The following SH3YL1 variants were observed in gnomAD, a reference collection of about 807,000 sequenced individuals.
SH3YL1 encodes the protein SH3 and SYLF domain containing 1, also known as SH3 domain-containing YSC84-like protein 1.
In SH3YL1, 41 loss-of-function variants were observed where a neutral mutation model predicts 45.8. The ratio of observed to expected loss-of-function variants is 0.89; its 90% CI spans 0.70 to 1.16. SH3YL1 has a LOEUF of 1.16. Ranked by LOEUF, SH3YL1 falls within the 50% of genes most tolerant of loss-of-function variation. The pLI is 0.00. For missense variants in SH3YL1, 389 were observed against 409.6 expected, an observed-to-expected ratio of 0.95 and a Z score of 0.43; for synonymous variants, 152 against 151.4, an observed-to-expected ratio of 1.00 and a Z score of -0.03.
chr2:264,082 A>ACCTG, upstream of SH3YL1: 5 of 1,342,466 alleles, frequency 3.7e-6, no homozygotes, highest in Non-Finnish European at 4.8e-6. Flanking sequence ...GCGAGGGCGT[A>ACCTG]CCTGCGGCAG....
intron 4 of SH3YL1, among the ~76,000 whole-genome samples, chr2:242,339 G>A (rs953388672): frequency 6.6e-6 from 1 of 151,784 alleles, no homozygotes; most frequent in Non-Finnish European, 1.5e-5. Flanking sequence ...TGCTGAGTGT[G>A]TATCATATAT....
chr2:231,485 T>C (rs1310559229), intron 6 of SH3YL1, among the ~76,000 whole-genome samples: 6 of 152,224 alleles, frequency 3.9e-5, no homozygotes, highest in Non-Finnish European at 5.9e-5. Flanking sequence ...CCCATATATA[T>C]ACATACACAT....
At chr2:264,717 C>T (rs1669782591), upstream of SH3YL1, 2 of 476,510 alleles carry the variant, frequency 4.2e-6, no homozygotes, top group Non-Finnish European at 7.4e-6. Flanking sequence ...AGCCCCGCCC[C>T]TGCAGGTGAA....
intron 4 of SH3YL1, among the ~76,000 whole-genome samples, chr2:238,607 C>T (rs1481933303): frequency 6.6e-6 from 1 of 152,098 alleles, no homozygotes; most frequent in Non-Finnish European, 1.5e-5. Context: ...TGAGCTCTAG[C>T]TCTGGAAACA....
chr2:247,017 A>C (rs1668845075), intron 4 of SH3YL1, among the ~76,000 whole-genome samples: 1 of 152,256 alleles, frequency 6.6e-6, no homozygotes, highest in Admixed American at 6.5e-5. Flanking sequence ...ATCCCCGTGT[A>C]GGAGGCCTCT....
rs1463582859 is a variant in SH3YL1 at position 253,014 on chromosome 2, T to A, written c.103A>T (p.Ile35Phe). The A allele has an allele frequency of 1.3e-6, 2 of 1,532,716 alleles. No homozygotes were observed. Among genetic ancestry groups the A allele is most frequent in the African/African-American group, 2.8e-5 (2 of 72,610 alleles). 94.9% of individuals were successfully genotyped at this position (1,532,716 alleles called of 1,614,324 possible). A position where few individuals can be genotyped will look rare whatever the true frequency, so the allele number is the denominator to read the frequency against. The change falls in exon 2 of 10, where the codon ATC becomes TTC. Residue 35 changes from isoleucine to phenylalanine, a missense_variant. Coordinates refer to ENST00000356150, the MANE Select transcript of SH3YL1 (RefSeq NM_015677.4). ...CATCCTATTTACCTACCAGGAATGATCTTATCAGGTCCATTTCTGGAAGTT... is the reference window on the plus strand; with the variant it reads ...CATCCTATTTACCTACCAGGAATGAACTTATCAGGTCCATTTCTGGAAGTT... ...EITSRNGPDKIIPAHVIAKAK... is the reference protein window; with the variant it reads ...EITSRNGPDKFIPAHVIAKAK...
intron 1 of SH3YL1, chr2:259,729 T>C (rs1669507331): frequency 1.3e-5 from 2 of 151,124 alleles, no homozygotes; most frequent in African/African-American, 4.9e-5. Flanking sequence ...ATTTAGTATA[T>C]AATAAAAATG....
chr2:245,594 T>C (rs549141048), intron 4 of SH3YL1, among the ~76,000 whole-genome samples: 47 of 152,300 alleles, frequency 3.1e-4, no homozygotes, highest in Non-Finnish European at 5.1e-4. Flanking sequence ...GAAAAGCTAC[T>C]TCCTAACATC....
chr2:237,968 T>C (rs1432313042), intron 4 of SH3YL1, among the ~76,000 whole-genome samples: 1 of 152,136 alleles, frequency 6.6e-6, no homozygotes, highest in Non-Finnish European at 1.5e-5. Context: ...GCGACTGAAT[T>C]TCCTGAAAGC....
At chr2:231,917 G>A (rs1668062732) in intron 6 of SH3YL1, among the ~76,000 whole-genome samples, 1 of 151,886 alleles carries the variant, frequency 6.6e-6, no homozygotes, top group Non-Finnish European at 1.5e-5. Context: ...TTATTAAATA[G>A]TGCTGTTCAG....
chr2:232,813 C>T, intron 6 of SH3YL1: 1 of 183,450 alleles, frequency 5.5e-6, no homozygotes, highest in Non-Finnish European at 1.1e-5. Flanking sequence ...TCATATATGG[C>T]AAAACAAAAA....
At chr2:254,205 C>T (rs1422372148) in intron 1 of SH3YL1, among the ~76,000 whole-genome samples, 1 of 152,134 alleles carries the variant, frequency 6.6e-6, no homozygotes, top group Non-Finnish European at 1.5e-5. Context: ...TCTAGGAAGA[C>T]TTGGGAATTG....
Position 218,754 on chromosome 2 carries a change from C to G in SH3YL1, c.*57G>C. On this transcript the variant is annotated 3_prime_UTR_variant, in exon 10 of 10. Transcript: ENST00000356150. ...ATTAAACATTGCTTAACTAGTAAAT[C>G]CTGTCAGTGTAGAAATAATTTTTTT... 1 of 1,380,048 alleles carries G rather than the reference C, an allele frequency of 7.2e-7. No homozygotes were observed. Among genetic ancestry groups the G allele is most frequent in the Non-Finnish European group, 9.8e-7 (1 of 1,020,910 alleles). 85.5% of individuals were successfully genotyped at this position (1,380,048 alleles called of 1,614,324 possible).
intron 1 of SH3YL1, chr2:263,173 G>A (rs576276934): frequency 6.4e-6 from 1 of 156,028 alleles, no homozygotes; most frequent in Admixed American, 6.2e-5. Flanking sequence ...AAGAAATCAG[G>A]ACATGCATCT....
chr2:226,795 T>C (rs1193258366), intron 8 of SH3YL1, among the ~76,000 whole-genome samples: 1 of 151,362 alleles, frequency 6.6e-6, no homozygotes, highest in Non-Finnish European at 1.5e-5. Context: ...GTGGGGAGTG[T>C]ACATATACTG....
At chr2:223,634 C>A (rs1667671384) in intron 9 of SH3YL1, among the ~76,000 whole-genome samples, 1 of 152,220 alleles carries the variant, frequency 6.6e-6, no homozygotes, top group South Asian at 2.1e-4. Context: ...TTTCATGTCT[C>A]TTTAAATCAG....
chr2:239,563 C>T (rs1372990933), intron 4 of SH3YL1: 1 of 152,134 alleles, frequency 6.6e-6, no homozygotes, highest in East Asian at 1.9e-4. Flanking sequence ...CCATTTTATT[C>T]AACTTAAAAA....
chr2:227,323 C>G (rs1430322905), intron 8 of SH3YL1, among the ~76,000 whole-genome samples: 1 of 150,382 alleles, frequency 6.6e-6, no homozygotes, highest in Non-Finnish European at 1.5e-5. Context: ...GTAACTATCT[C>G]AAAAAAAATA....
At chr2:264,351 C>G (rs1669749296), upstream of SH3YL1, 1 of 268,078 alleles carries the variant, frequency 3.7e-6, no homozygotes, top group Non-Finnish European at 7.0e-6. Context: ...CGTGACCCGC[C>G]CAGCCCCTCT....
Sources: allele counts gnomAD v4.1 joint callset (sites outside exome capture counted in the v4.1 genomes callset), GRCh38; gene constraint gnomAD v4.1.1; transcripts MANE v1.5; gene names NCBI Gene and HGNC (gene_info 2026-07-23, HGNC 2026-07-21).